Variants in TBCK observed in about 807,000 individuals in gnomAD.
The protein encoded by TBCK is TBC domain-containing protein kinase-like protein.
TBCK carries 99 observed loss-of-function variants against 113.4 expected under a neutral mutation model. The observed-to-expected ratio is 0.87, with a 90% confidence interval of 0.74 to 1.03. TBCK has a LOEUF of 1.03. Among genes scored for constraint, TBCK ranks in the 50% least tolerant of loss-of-function variants. The pLI is 0.00. For synonymous variants in TBCK, 369 were observed against 370.8 expected, an observed-to-expected ratio of 1.00 and a Z score of 0.05; for missense variants, 1,045 against 1,061.3, an observed-to-expected ratio of 0.98 and a Z score of 0.21.
Position 106,141,756 on chromosome 4 carries a change from C to A in TBCK, c.2236-25378G>T, listed in dbSNP as rs1317055121. On this transcript the variant is annotated intron_variant, in intron 23 of 25. Coordinates refer to ENST00000394708, the MANE Select transcript of TBCK (RefSeq NM_001163435.3). ...GAGGACCTTAAATGGAAAGACATAC[C>A]CTGTTTTTGGAAAAAATAATCATGC... Among the ~76,000 whole-genome samples, 4 of 140,460 alleles carry A rather than the reference C, an allele frequency of 2.8e-5. 1 individual carries two copies. Among genetic ancestry groups the A allele is most frequent in the African/African-American group, 1.0e-4 (4 of 39,792 alleles). 92.1% of individuals were successfully genotyped at this position (140,460 alleles called of 152,430 possible).
intron 23 of TBCK, among the ~76,000 whole-genome samples, chr4:106,126,451 T>C (rs1170602746): frequency 6.6e-6 from 1 of 152,158 alleles, no homozygotes; most frequent in African/African-American, 2.4e-5. Context: ...ATGAGTAACA[T>C]TGTGCTATGA....
intron 23 of TBCK, among the ~76,000 whole-genome samples, chr4:106,122,218 A>G (rs1376198494): frequency 1.3e-5 from 2 of 152,002 alleles, no homozygotes; most frequent in Non-Finnish European, 2.9e-5. Context: ...ACAGAAATAC[A>G]AACTACCATC....
At chr4:106,064,699 C>T (rs181947270) in intron 25 of TBCK, among the ~76,000 whole-genome samples, 219 of 152,012 alleles carry the variant, frequency 1.4e-3, no homozygotes, top group Non-Finnish European at 2.5e-3. Flanking sequence ...TAATTTTAGT[C>T]TTATGAGTTT....
At chr4:106,157,792 C>G (rs1749303952) in intron 23 of TBCK, among the ~76,000 whole-genome samples, 1 of 152,020 alleles carries the variant, frequency 6.6e-6, no homozygotes, top group African/African-American at 2.4e-5. Flanking sequence ...TATGAAGGTG[C>G]TTTGCTTGTG....
chr4:106,179,432 T>C (rs985534106), intron 22 of TBCK, among the ~76,000 whole-genome samples: 2 of 152,022 alleles, frequency 1.3e-5, no homozygotes, highest in Admixed American at 6.6e-5. Context: ...TTTTGGTATA[T>C]TTCCATTTTC....
chr4:106,175,358 AT>A (rs34198925), intron 22 of TBCK, among the ~76,000 whole-genome samples: 41,172 of 137,206 alleles, frequency 0.3, 5,903 homozygotes, highest in South Asian at 0.43. Context: ...ATCAGATTGA[AT>A]TTTTTTTTTT....
intron 3 of TBCK, among the ~76,000 whole-genome samples, chr4:106,280,138 AGAT>A (rs1350980740): frequency 6.6e-6 from 1 of 152,110 alleles, no homozygotes; most frequent in Non-Finnish European, 1.5e-5. Flanking sequence ...AACTGGAGTG[AGAT>A]GATATCTTAG....
chr4:106,128,317 G>C (rs1169972595), intron 23 of TBCK, among the ~76,000 whole-genome samples: 1 of 152,122 alleles, frequency 6.6e-6, no homozygotes, highest in Non-Finnish European at 1.5e-5. Flanking sequence ...TTTTGAGACA[G>C]CTATTCTTTA....
intron 5 of TBCK, among the ~76,000 whole-genome samples, chr4:106,257,862 A>C (rs1213821706): frequency 6.6e-6 from 1 of 152,082 alleles, no homozygotes; most frequent in Non-Finnish European, 1.5e-5. Flanking sequence ...ATAGACATTA[A>C]ATAAAAATAA....
intron 3 of TBCK, among the ~76,000 whole-genome samples, chr4:106,275,508 T>C (rs1213597234): frequency 6.6e-6 from 1 of 152,174 alleles, no homozygotes; most frequent in Non-Finnish European, 1.5e-5. Context: ...AATGATATGG[T>C]TGTTTATGTA....
rs569902025 is a variant in TBCK at position 106,237,979 on chromosome 4, T to C, written c.1171-1171A>G. 5.3e-5 allele frequency among the ~76,000 whole-genome samples: 8 copies of C among 152,234 alleles called. No homozygotes were observed. The East Asian group carries it at 9.6e-4, about 18-fold the overall frequency. ...AAAACACTAAAGATAAAAATTATTATATGGTTTCCATATCATTTTAAGATT... is the reference window on the plus strand; with the variant it reads ...AAAACACTAAAGATAAAAATTATTACATGGTTTCCATATCATTTTAAGATT... On this transcript the variant is annotated intron_variant, in intron 12 of 25. Transcript: ENST00000394708.
intron 23 of TBCK, among the ~76,000 whole-genome samples, chr4:106,143,875 T>C (rs188967293): frequency 8.0e-5 from 12 of 150,926 alleles, no homozygotes; most frequent in Non-Finnish European, 1.5e-4. Context: ...GACTGTGCCA[T>C]TGCACTTCAT....
At position 106,041,818 on chromosome 4, in the gene TBCK, G is replaced by A. The variant is rs1309376736; in HGVS notation, c.*4752C>T. 6.6e-6 allele frequency: 1 copy of A among 152,164 alleles called. No homozygotes were observed. The highest frequency in any genetic ancestry group is 1.5e-5 in the Non-Finnish European group (1 of 68,026). 9.4% of individuals were successfully genotyped at this position (152,164 alleles called of 1,614,324 possible). On this transcript the variant is annotated 3_prime_UTR_variant, in exon 26 of 26. Coordinates refer to ENST00000394708, the MANE Select transcript of TBCK (RefSeq NM_001163435.3). ...GAACACTGAATATGCCAAGATCCAA[G>A]TTTAGTTTTCATGTTACAAGCACCT...
At chr4:106,121,724 T>G (rs1275725950) in intron 23 of TBCK, among the ~76,000 whole-genome samples, 1 of 152,158 alleles carries the variant, frequency 6.6e-6, no homozygotes, top group Non-Finnish European at 1.5e-5. Context: ...AGAATCTTAC[T>G]CAAAACCACT....
At chr4:106,116,073 G>T in intron 24 of TBCK, 130 bp downstream of exon 24, 1 of 785,576 alleles carries the variant, frequency 1.3e-6, no homozygotes, top group Non-Finnish European at 2.0e-6. Context: ...CATCCAGTTT[G>T]AGAGTAATTT....
At chr4:106,281,563 C>T (rs566447449) in intron 3 of TBCK, among the ~76,000 whole-genome samples, 2 of 152,118 alleles carry the variant, frequency 1.3e-5, no homozygotes, top group East Asian at 1.9e-4. Context: ...GTGGGCCTGT[C>T]ATACATGGCT....
intron 4 of TBCK, 89 bp downstream of exon 4, chr4:106,262,009 C>A: frequency 1.7e-6 from 1 of 576,730 alleles, no homozygotes; most frequent in Admixed American, 3.4e-5. Flanking sequence ...TATTCTGATT[C>A]TATTGTTCCT....
intron 19 of TBCK, among the ~76,000 whole-genome samples, chr4:106,229,262 T>C (rs187934631): frequency 7.2e-5 from 11 of 152,148 alleles, no homozygotes; most frequent in Admixed American, 7.2e-4. Flanking sequence ...GTGATCTCAT[T>C]TGTCCATTTT....
At chr4:106,203,922 A>G (rs1755166329) in intron 20 of TBCK, among the ~76,000 whole-genome samples, 1 of 152,156 alleles carries the variant, frequency 6.6e-6, no homozygotes, top group South Asian at 2.1e-4. Flanking sequence ...AATCTCATCA[A>G]TTCAGACAAC....
Sources: gnomAD v4.1 joint callset for allele counts (sites outside exome capture counted in the v4.1 genomes callset) on GRCh38, gnomAD v4.1.1 for gene constraint, MANE v1.5 for transcripts, NCBI Gene and HGNC (gene_info 2026-07-23, HGNC 2026-07-21) for gene names.